CTNNA3: variants seen among roughly 807,000 people sequenced by gnomAD.
The protein encoded by CTNNA3 is catenin alpha 3.
A neutral mutation model predicts 95.7 loss-of-function variants in CTNNA3; 76 were observed. The observed-to-expected ratio is 0.79, with a 90% CI of 0.66 to 0.96. The LOEUF (loss-of-function observed/expected upper bound fraction) is 0.96, where lower values mean the gene tolerates loss of function less well. Among genes scored for constraint, CTNNA3 ranks in the 40% least tolerant of loss-of-function variants. CTNNA3 has a pLI of 0.00. For synonymous variants in CTNNA3, 431 were observed against 374.4 expected (o/e 1.15, Z -1.74); for missense variants, 1,191 against 1,089.8 (o/e 1.09, Z -1.31).
intron 7 of CTNNA3, among the ~76,000 whole-genome samples, chr10:67,107,663 A>G (rs375167481): frequency 9.9e-5 from 15 of 152,178 alleles, no homozygotes; most frequent in East Asian, 9.7e-4. Flanking sequence ...TGATTGCTAC[A>G]TTTTACAAAC....
chr10:66,764,374 A>C (rs1839756738), intron 9 of CTNNA3, among the ~76,000 whole-genome samples: 1 of 152,196 alleles, frequency 6.6e-6, no homozygotes, highest in African/African-American at 2.4e-5. Flanking sequence ...TGTCTTAGTA[A>C]TGTGCCATGA....
At chr10:67,456,684 A>G (rs1421693979) in intron 5 of CTNNA3, among the ~76,000 whole-genome samples, 2 of 152,164 alleles carry the variant, frequency 1.3e-5, no homozygotes, top group East Asian at 3.9e-4. Context: ...TTGACTAAAA[A>G]TACTGTCAGG....
chr10:67,244,966 C>T (rs1189897904), intron 5 of CTNNA3, among the ~76,000 whole-genome samples: 2 of 152,176 alleles, frequency 1.3e-5, no homozygotes, highest in African/African-American at 2.4e-5. Flanking sequence ...TCTCATATCC[C>T]ACATCCAGTC....
At chr10:66,840,372 T>TCTCTCACA (rs1843023433) in intron 7 of CTNNA3, among the ~76,000 whole-genome samples, 4 of 71,376 alleles carry the variant, frequency 5.6e-5, no homozygotes, top group African/African-American at 3.1e-4. Context: ...TCTCTCTCTC[T>TCTCTCACA]CACACACACA....
Position 66,242,167 on chromosome 10 carries a change from G to A in CTNNA3, c.1884+38303C>T, listed in dbSNP as rs927583905. On this transcript the variant is annotated intron_variant, in intron 13 of 17. Coordinates refer to ENST00000433211, the MANE Select transcript of CTNNA3 (RefSeq NM_013266.4). ...ATCTGCAAGAAGACCCTTACCAGATGTGGACCTTTGACCTTGGACTTAGCC... is the reference window on the plus strand; with the variant it reads ...ATCTGCAAGAAGACCCTTACCAGATATGGACCTTTGACCTTGGACTTAGCC... Among the ~76,000 whole-genome samples, 4 of 152,216 alleles carry A rather than the reference G, an allele frequency of 2.6e-5. No individual in the cohort carries two copies. In the East Asian group the frequency reaches 5.8e-4, roughly 22 times the overall value.
intron 6 of CTNNA3, among the ~76,000 whole-genome samples, chr10:67,188,947 T>C (rs1862991613): frequency 6.6e-6 from 1 of 151,952 alleles, no homozygotes; most frequent in African/African-American, 2.4e-5. Flanking sequence ...CAAAATCTCA[T>C]CTCTACAAAA....
At chr10:67,761,645 G>A (rs574635001) in intron 1 of CTNNA3, among the ~76,000 whole-genome samples, 17 of 152,208 alleles carry the variant, frequency 1.1e-4, no homozygotes, top group South Asian at 2.1e-4. Flanking sequence ...TTGGGAGGCC[G>A]AGGCGGGCAG....
At chr10:67,342,098 TC>T (rs1192708119) in intron 5 of CTNNA3, among the ~76,000 whole-genome samples, 5 of 95,786 alleles carry the variant, frequency 5.2e-5, no homozygotes, top group South Asian at 3.7e-4. Context: ...TTATTTTTCT[TC>T]TTTTTTTTTT....
intron 12 of CTNNA3, among the ~76,000 whole-genome samples, chr10:66,307,084 A>G (rs1334745062): frequency 1.3e-5 from 2 of 152,204 alleles, no homozygotes; most frequent in African/African-American, 4.8e-5. Context: ...TACTGTTAAT[A>G]TTCCCAGTTT....
chr10:67,630,162 A>G (rs1839094765), intron 2 of CTNNA3, among the ~76,000 whole-genome samples: 2 of 152,196 alleles, frequency 1.3e-5, no homozygotes, highest in African/African-American at 4.8e-5. Flanking sequence ...AGACTTAACA[A>G]AAGGAACCCC....
intron 1 of CTNNA3, among the ~76,000 whole-genome samples, chr10:67,707,196 G>A (rs1407903322): frequency 1.3e-5 from 2 of 152,110 alleles, no homozygotes; most frequent in Non-Finnish European, 2.9e-5. Context: ...TAGAAGTTTA[G>A]CTCATGTTAT....
At chr10:67,224,557 G>T (rs1864805439) in intron 5 of CTNNA3, among the ~76,000 whole-genome samples, 3 of 152,202 alleles carry the variant, frequency 2.0e-5, no homozygotes, top group African/African-American at 4.8e-5. Context: ...AACTGCGGAA[G>T]TGGGAAAGGG....
intron 10 of CTNNA3, among the ~76,000 whole-genome samples, chr10:66,547,598 T>G (rs1231379636): frequency 1.3e-5 from 2 of 151,882 alleles, no homozygotes; most frequent in African/African-American, 4.8e-5. Flanking sequence ...CTCCTCGGCC[T>G]CCCAAAGTGC....
intron 13 of CTNNA3, among the ~76,000 whole-genome samples, chr10:66,162,332 G>C (rs2084896606): frequency 6.6e-6 from 1 of 152,122 alleles, no homozygotes; most frequent in Non-Finnish European, 1.5e-5. Context: ...CGTCTGGGTA[G>C]GCTCTGTCAG....
chr10:67,633,795 G>GA (rs1839222272), intron 2 of CTNNA3, among the ~76,000 whole-genome samples: 1 of 151,972 alleles, frequency 6.6e-6, no homozygotes, highest in Admixed American at 6.6e-5. Flanking sequence ...GAGTGAAAAG[G>GA]AAAAAACAAA....
At chr10:67,717,912 A>G (rs1224954417) in intron 1 of CTNNA3, among the ~76,000 whole-genome samples, 1 of 152,188 alleles carries the variant, frequency 6.6e-6, no homozygotes, top group Non-Finnish European at 1.5e-5. Flanking sequence ...TTTGGGCAGT[A>G]TGGCCATTTT....
chr10:67,276,269 C>A (rs1294372140), intron 5 of CTNNA3, among the ~76,000 whole-genome samples: 1 of 151,990 alleles, frequency 6.6e-6, no homozygotes, highest in East Asian at 1.9e-4. Flanking sequence ...TAAAAATTAC[C>A]TTGTTGAGTT....
At chr10:66,651,706 G>A (rs1295275761) in intron 9 of CTNNA3, among the ~76,000 whole-genome samples, 2 of 152,068 alleles carry the variant, frequency 1.3e-5, no homozygotes, top group African/African-American at 4.8e-5. Context: ...TGCTGGCCCG[G>A]GTGCTAAGCC....
At chr10:66,030,669 C>T (rs1030594659) in intron 15 of CTNNA3, among the ~76,000 whole-genome samples, 4 of 152,052 alleles carry the variant, frequency 2.6e-5, no homozygotes, top group Non-Finnish European at 4.4e-5. Context: ...TGACTAAGTC[C>T]TCAAAAGCAC....
Sources: gnomAD v4.1 joint callset for allele counts (sites outside exome capture counted in the v4.1 genomes callset) on GRCh38, gnomAD v4.1.1 for gene constraint, MANE v1.5 for transcripts, NCBI Gene and HGNC (gene_info 2026-07-23, HGNC 2026-07-21) for gene names.